P4HA2: variants seen among roughly 807,000 people sequenced by gnomAD.
P4HA2 encodes prolyl 4-hydroxylase subunit alpha-2.
Under a neutral mutation model 76.9 loss-of-function variants are expected in P4HA2, and 46 were observed. That is an observed-to-expected ratio of 0.60 (90% CI 0.47 to 0.76). The LOEUF is 0.76. Among genes scored for constraint, P4HA2 ranks in the 30% least tolerant of loss-of-function variants. The pLI is 0.00. For missense variants in P4HA2, 583 were observed against 669.4 expected, an observed-to-expected ratio of 0.87 and a Z score of 1.42; for synonymous variants, 243 against 254.0, an observed-to-expected ratio of 0.96 and a Z score of 0.41.
chr5:132,198,261 C>T lies in P4HA2; in HGVS notation c.1365+60G>A, dbSNP rs192638050. On this transcript the variant is annotated intron_variant, in intron 12 of 14. Coordinates refer to ENST00000360568, the MANE Select transcript of P4HA2 (RefSeq NM_001017974.2). ...CGTCCCTAAATGCTTGAAAGTATCT[C>T]GCTCATCATTCTACAAAATTAAGTG... The T allele has an allele frequency of 1.1e-4, 175 of 1,614,214 alleles. No homozygotes were observed. In the Middle Eastern group the frequency reaches 1.3e-3, roughly 12 times the overall value.
At chr5:132,194,880 C>G in intron 14 of P4HA2, 46 bp downstream of exon 14, 1 of 1,347,564 alleles carries the variant, frequency 7.4e-7, no homozygotes, top group Non-Finnish European at 1.1e-6. Context: ...TAAGCAAAGC[C>G]CAAGCTGAGG....
chr5:132,224,152 C>A (rs1489796798), intron 1 of P4HA2, among the ~76,000 whole-genome samples: 4 of 152,230 alleles, frequency 2.6e-5, no homozygotes, highest in African/African-American at 9.6e-5. Context: ...ACAGCACTCA[C>A]AAATAACCAG....
At chr5:132,216,428 G>C (rs890608454) in intron 4 of P4HA2, among the ~76,000 whole-genome samples, 5 of 151,906 alleles carry the variant, frequency 3.3e-5, no homozygotes, top group African/African-American at 1.2e-4. Context: ...ATGTAAAAAG[G>C]TGCTGATAAT....
intron 13 of P4HA2, 55 bp downstream of exon 13, chr5:132,195,357 C>T: frequency 7.6e-7 from 1 of 1,318,174 alleles, no homozygotes; most frequent in Non-Finnish European, 1.1e-6. Flanking sequence ...GGGACATGGA[C>T]AAAGTAAAGT....
chr5:132,222,175 T>G (rs1290937766), intron 1 of P4HA2: 1 of 152,306 alleles, frequency 6.6e-6, no homozygotes, highest in Admixed American at 6.5e-5. Context: ...TGCTTGGCAC[T>G]GAACAAGAAC....
chr5:132,191,597 C>T lies in P4HA2; in HGVS notation c.*1413G>A, dbSNP rs1466976025. ...TAGTCCGTAACATGTACCAAGCTAGCTAAAATTCAAAAGTATGAAAATACT... is the reference window on the plus strand; with the variant it reads ...TAGTCCGTAACATGTACCAAGCTAGTTAAAATTCAAAAGTATGAAAATACT... On this transcript the variant is annotated 3_prime_UTR_variant, in exon 15 of 15. Coordinates refer to ENST00000360568, the MANE Select transcript of P4HA2 (RefSeq NM_001017974.2). Among the ~76,000 whole-genome samples the T allele has an allele frequency of 6.6e-6, 1 of 151,048 alleles. No homozygotes were observed. Among genetic ancestry groups the T allele is most frequent in the Non-Finnish European group, 1.5e-5 (1 of 67,890 alleles).
At chr5:132,227,359 C>A (rs1442343735) in intron 1 of P4HA2, 1 of 152,266 alleles carries the variant, frequency 6.6e-6, no homozygotes, top group Non-Finnish European at 1.5e-5. Context: ...TGGGAGGGTG[C>A]AGAACGGGCT....
At position 132,191,467 on chromosome 5, in the gene P4HA2, C is replaced by G. The variant is rs565393708; in HGVS notation, c.*1543G>C. ...GCGGAGCTTGCAGTGAGCCGAGATC[C>G]CGCCACTGCACTCCAGCCTGGGCGA... On this transcript the variant is annotated 3_prime_UTR_variant, in exon 15 of 15. Coordinates refer to ENST00000360568, the MANE Select transcript of P4HA2 (RefSeq NM_001017974.2). 3.4e-5 allele frequency among the ~76,000 whole-genome samples: 5 copies of G among 148,244 alleles called. No individual in the cohort carries two copies. The highest frequency in any genetic ancestry group is 7.5e-5 in the Non-Finnish European group (5 of 66,974).
intron 10 of P4HA2, chr5:132,203,465 G>A (rs1751785216): frequency 2.4e-6 from 1 of 419,240 alleles, no homozygotes; most frequent in Non-Finnish European, 4.4e-6. Context: ...AGCTTCTGTT[G>A]TCAAGAAGAC....
chr5:132,208,398 G>A (rs1580696316), intron 7 of P4HA2, among the ~76,000 whole-genome samples: 1 of 12,538 alleles, frequency 8.0e-5, no homozygotes, highest in Non-Finnish European at 2.3e-4. Context: ...GGGAGGGGAG[G>A]GGGAGGGGAG....
chr5:132,204,529 C>T (rs1751939551), intron 8 of P4HA2, among the ~76,000 whole-genome samples: 1 of 152,186 alleles, frequency 6.6e-6, no homozygotes, highest in African/African-American at 2.4e-5. Flanking sequence ...AGCTTAGCTA[C>T]TCCCACCATT....
Position 132,193,085 on chromosome 5 carries a change from G to T in P4HA2, c.1532-5C>A. 6.2e-7 allele frequency: 1 copy of T among 1,607,710 alleles called. No homozygotes were observed. ...CATGGAACCACTTATTGGAGACTGTGAAAAGAAAGCAAGCATGTTACAATC... is the reference window on the plus strand; with the variant it reads ...CATGGAACCACTTATTGGAGACTGTTAAAAGAAAGCAAGCATGTTACAATC... On this transcript the variant is annotated splice_polypyrimidine_tract_variant and splice_region_variant and intron_variant, in intron 14 of 14. Transcript: ENST00000360568.
At chr5:132,200,641 G>A (rs2126550220) in intron 10 of P4HA2, 1 of 152,286 alleles carries the variant, frequency 6.6e-6, no homozygotes, top group East Asian at 1.9e-4. Flanking sequence ...TCCTGCCTTG[G>A]TCTCCCCAAG....
At chr5:132,193,157 C>A (rs77183859) in intron 14 of P4HA2, 77 bp from the exon 15 acceptor site, 1 of 933,702 alleles carries the variant, frequency 1.1e-6, no homozygotes, top group Admixed American at 1.7e-5. Context: ...TTCATGATGA[C>A]CCCCTGCACT....
Position 132,190,454 on chromosome 5 carries a change from T to C in P4HA2, c.*2556A>G, listed in dbSNP as rs890368656. On this transcript the variant is annotated 3_prime_UTR_variant, in exon 15 of 15. Transcript: ENST00000360568. ...TAGCAATTGCCCTAGACCCAGTGGT[T>C]TTTTGCATGAGACAATTTTATATAT... Among the ~76,000 whole-genome samples, 1 of 152,144 alleles carries C rather than the reference T, an allele frequency of 6.6e-6. No homozygotes were observed. The highest frequency in any genetic ancestry group is 1.5e-5 in the Non-Finnish European group (1 of 68,030).
intron 4 of P4HA2, among the ~76,000 whole-genome samples, chr5:132,216,162 C>CA (rs5871448): frequency 0.03 from 1,861 of 63,016 alleles, 227 homozygotes; most frequent in African/African-American, 0.11. Context: ...GACTCAGTCT[C>CA]AAAAAAAAAA....
chr5:132,190,952 C>G lies in P4HA2; in HGVS notation c.*2058G>C, dbSNP rs1749856449. ...TATACATGTACTGTCTTAGGTAGAGCTGCTATAATAAAATACCATACATTG... is the reference window on the plus strand; with the variant it reads ...TATACATGTACTGTCTTAGGTAGAGGTGCTATAATAAAATACCATACATTG... On this transcript the variant is annotated 3_prime_UTR_variant, in exon 15 of 15. Coordinates refer to ENST00000360568, the MANE Select transcript of P4HA2 (RefSeq NM_001017974.2). 6.6e-6 allele frequency among the ~76,000 whole-genome samples: 1 copy of G among 152,126 alleles called. No individual in the cohort carries two copies. Among genetic ancestry groups the G allele is most frequent in the Non-Finnish European group, 1.5e-5 (1 of 68,034 alleles).
intron 4 of P4HA2, 35 bp from the exon 5 acceptor site, chr5:132,214,088 T>C (rs538870981): frequency 1.9e-6 from 3 of 1,607,562 alleles, no homozygotes; most frequent in South Asian, 2.2e-5. Flanking sequence ...AGATTACCCT[T>C]GATCCAGGGG....
At chr5:132,223,015 C>T (rs1754849347) in intron 1 of P4HA2, among the ~76,000 whole-genome samples, 1 of 152,248 alleles carries the variant, frequency 6.6e-6, no homozygotes, top group Non-Finnish European at 1.5e-5. Context: ...TTACGTCCCA[C>T]CTTGCAACCT....
Sources: gnomAD v4.1 joint callset for allele counts (sites outside exome capture counted in the v4.1 genomes callset) on GRCh38, gnomAD v4.1.1 for gene constraint, MANE v1.5 for transcripts, NCBI Gene and HGNC (gene_info 2026-07-23, HGNC 2026-07-21) for gene names.